Variants in NRG3 observed in about 807,000 individuals in gnomAD.
NRG3 encodes neuregulin 3.
A neutral mutation model predicts 66.9 loss-of-function variants in NRG3; 31 were observed. The ratio of observed to expected loss-of-function variants is 0.46; its 90% CI spans 0.35 to 0.63. NRG3 has a LOEUF of 0.63. Ranked by LOEUF, NRG3 falls within the 20% of genes least tolerant of loss-of-function variation. The probability of loss-of-function intolerance (pLI) is 0.00; values close to 1 mark genes in which losing one functional copy is unlikely to be tolerated. For synonymous variants in NRG3, 393 were observed against 359.4 expected (o/e 1.09, Z -1.06); for missense variants, 910 against 878.9 (o/e 1.04, Z -0.45).
intron 1 of NRG3, among the ~76,000 whole-genome samples, chr10:82,280,337 T>G (rs553594293): frequency 5.3e-5 from 8 of 152,234 alleles, no homozygotes; most frequent in Non-Finnish European, 7.4e-5. Flanking sequence ...ATTTTTTTTT[T>G]GGTGTGCTGC....
chr10:82,252,001 A>T (rs1196867475), intron 1 of NRG3, among the ~76,000 whole-genome samples: 2 of 152,098 alleles, frequency 1.3e-5, no homozygotes, highest in Non-Finnish European at 2.9e-5. Flanking sequence ...CTTGGAAGGC[A>T]TCGCCCCCAC....
chr10:82,101,614 C>T (rs370054023), intron 1 of NRG3, among the ~76,000 whole-genome samples: 1 of 151,674 alleles, frequency 6.6e-6, no homozygotes, highest in East Asian at 1.9e-4. Context: ...GATATGTTAG[C>T]TTCTAAATCA....
chr10:82,790,383 C>T (rs2060537424), intron 3 of NRG3, among the ~76,000 whole-genome samples: 1 of 152,000 alleles, frequency 6.6e-6, no homozygotes, highest in Non-Finnish European at 1.5e-5. Flanking sequence ...TTTCTTTCAA[C>T]AGTTTGAATA....
At chr10:82,849,115 A>G (rs1305167815) in intron 3 of NRG3, among the ~76,000 whole-genome samples, 4 of 152,182 alleles carry the variant, frequency 2.6e-5, no homozygotes, top group African/African-American at 9.6e-5. Context: ...CATGGGCGCT[A>G]ATCGAATATA....
intron 1 of NRG3, among the ~76,000 whole-genome samples, chr10:82,040,969 A>G (rs2063006044): frequency 6.6e-6 from 1 of 152,118 alleles, no homozygotes. Context: ...ACTCAGTGTT[A>G]TGATGTATCA....
chr10:82,819,270 T>C (rs1484276687), intron 3 of NRG3, among the ~76,000 whole-genome samples: 3 of 152,220 alleles, frequency 2.0e-5, no homozygotes, highest in Non-Finnish European at 4.4e-5. Context: ...GTAAAGCCAA[T>C]GCTATGTCAA....
At chr10:82,766,626 A>G (rs2059523319) in intron 3 of NRG3, among the ~76,000 whole-genome samples, 1 of 152,086 alleles carries the variant, frequency 6.6e-6, no homozygotes, top group African/African-American at 2.4e-5. Flanking sequence ...GAGTGTGGGT[A>G]GAGTTATCTT....
intron 4 of NRG3, among the ~76,000 whole-genome samples, chr10:82,911,820 A>G (rs1044070450): frequency 2.0e-5 from 3 of 151,780 alleles, no homozygotes; most frequent in Non-Finnish European, 4.4e-5. Flanking sequence ...TTTTTAAGGT[A>G]GAAACTTAGA....
intron 1 of NRG3, among the ~76,000 whole-genome samples, chr10:82,342,389 A>G (rs554998192): frequency 1.4e-3 from 211 of 152,182 alleles, no homozygotes; most frequent in Middle Eastern, 0.01. Flanking sequence ...GCCATCAACA[A>G]CGTATTAGCA....
intron 3 of NRG3, among the ~76,000 whole-genome samples, chr10:82,826,334 C>T (rs2062206014): frequency 6.6e-6 from 1 of 152,188 alleles, no homozygotes. Context: ...CCCCAGGGCT[C>T]AGTTCTTGCA....
intron 1 of NRG3, among the ~76,000 whole-genome samples, chr10:81,892,372 A>G (rs1032142627): frequency 2.6e-5 from 4 of 152,264 alleles, no homozygotes; most frequent in African/African-American, 7.2e-5. Flanking sequence ...GGCACACACA[A>G]AATATTTTAT....
intron 2 of NRG3, among the ~76,000 whole-genome samples, chr10:82,482,711 G>A (rs908309309): frequency 5.3e-5 from 8 of 152,146 alleles, no homozygotes; most frequent in Admixed American, 1.3e-4. Flanking sequence ...CTATCTTGAT[G>A]TTTCAAGTGC....
intron 2 of NRG3, among the ~76,000 whole-genome samples, chr10:82,402,822 A>C (rs1215407943): frequency 6.6e-6 from 1 of 152,116 alleles, no homozygotes; most frequent in Admixed American, 6.6e-5. Context: ...TCCAGCAAAA[A>C]TTGATCACTG....
intron 1 of NRG3, among the ~76,000 whole-genome samples, chr10:82,153,369 A>G (rs1244422609): frequency 6.6e-6 from 1 of 151,662 alleles, no homozygotes; most frequent in Non-Finnish European, 1.5e-5. Context: ...GTTGTCACAA[A>G]TGACAGAATT....
intron 1 of NRG3, among the ~76,000 whole-genome samples, chr10:81,876,965 C>G (rs1272025757): frequency 6.6e-6 from 1 of 152,096 alleles, no homozygotes; most frequent in Non-Finnish European, 1.5e-5. Flanking sequence ...TGCTTTTGTT[C>G]CGTTCCCAAA....
chr10:82,927,811 C>T lies in NRG3; in HGVS notation c.1055-23658C>T, dbSNP rs541119914. On this transcript the variant is annotated intron_variant, in intron 4 of 8. Transcript: ENST00000372141. ...CAGTGCTGCAATAAACATACGTGTG[C>T]GTGTGTCTTTATAGTAGAGTGATTT... Among the ~76,000 whole-genome samples the T allele has an allele frequency of 1.2e-4, 18 of 152,196 alleles. 1 individual carries two copies. In the South Asian group the frequency reaches 1.2e-3, roughly 11 times the overall value.
intron 4 of NRG3, among the ~76,000 whole-genome samples, chr10:82,916,774 C>CT (rs1845874974): frequency 6.6e-6 from 1 of 152,096 alleles, no homozygotes; most frequent in African/African-American, 2.4e-5. Context: ...TGCCACCACG[C>CT]CCAGCTAATT....
At chr10:82,154,248 G>C (rs1397479663) in intron 1 of NRG3, among the ~76,000 whole-genome samples, 1 of 151,860 alleles carries the variant, frequency 6.6e-6, no homozygotes, top group Non-Finnish European at 1.5e-5. Flanking sequence ...TGATTTTTGT[G>C]TATGGTATAA....
intron 2 of NRG3, among the ~76,000 whole-genome samples, chr10:82,376,704 C>T (rs1419016364): frequency 2.6e-5 from 4 of 152,186 alleles, no homozygotes; most frequent in Non-Finnish European, 4.4e-5. Flanking sequence ...CTTCAAGTTA[C>T]CTGTTACCAT....
Sources: allele counts gnomAD v4.1 joint callset (sites outside exome capture counted in the v4.1 genomes callset), GRCh38; gene constraint gnomAD v4.1.1; transcripts MANE v1.5; gene names NCBI Gene and HGNC (gene_info 2026-07-23, HGNC 2026-07-21).